RBM25: variants seen among roughly 807,000 people sequenced by gnomAD.
RBM25 encodes RNA binding motif protein 25.
RBM25 carries 19 observed loss-of-function variants against 120.7 expected under a neutral mutation model. The observed-to-expected ratio is 0.16, with a 90% confidence interval of 0.11 to 0.23. RBM25 has a LOEUF of 0.23. Among genes scored for constraint, RBM25 ranks in the 10% least tolerant of loss-of-function variants. The pLI is 1.00. For synonymous variants in RBM25, 390 were observed against 326.7 expected, an observed-to-expected ratio of 1.19 and a Z score of -2.09; for missense variants, 605 against 1,041.5, an observed-to-expected ratio of 0.58 and a Z score of 5.77.
chr14:73,087,895 GGTCTTT>G (rs1201892392), intron 5 of RBM25, 100 bp from the exon 6 acceptor site: 3 of 1,068,996 alleles, frequency 2.8e-6, no homozygotes, highest in Non-Finnish European at 4.0e-6. Flanking sequence ...TGAATTGAGT[GGTCTTT>G]GTATTAAAAC....
chr14:73,111,650 C>T lies in RBM25; in HGVS notation c.2140C>T (p.Pro714Ser). ...CGTACCCCGAAAAAGGAAACTGGTTCCCTTGGATTATGGTGAAGATGATAA... is the reference window on the plus strand; with the variant it reads ...CGTACCCCGAAAAAGGAAACTGGTTTCCTTGGATTATGGTGAAGATGATAA... The part of the protein sequence containing the change: ...DDVPRKRKLV[P>S]LDYGEDDKNA... Residue 714 changes from proline (P) to serine (S), a missense_variant, in exon 16 of 19, where the codon CCC (proline) becomes TCC (serine). Pro to Ser is a moderately conservative substitution (Grantham distance 74, BLOSUM62 -1). This residue lies in a region of RBM25 where 465 missense variants were observed against 741.6 expected (regional missense o/e 0.63). Coordinates refer to ENST00000261973, the MANE Select transcript of RBM25 (RefSeq NM_021239.3). 1 of 1,614,072 alleles carries T rather than the reference C, an allele frequency of 6.2e-7. No homozygotes were observed. The highest frequency in any genetic ancestry group is 8.5e-7 in the Non-Finnish European group (1 of 1,180,006).
intron 1 of RBM25, chr14:73,059,345 G>A (rs1894945001): frequency 6.6e-6 from 1 of 152,160 alleles, no homozygotes. Context: ...TTGCGCATTG[G>A]AGGGTGCAGT....
At chr14:73,112,111 G>A (rs1207811185) in intron 16 of RBM25, 41 bp from the exon 17 acceptor site, 1 of 1,518,400 alleles carries the variant, frequency 6.6e-7, no homozygotes, top group South Asian at 1.2e-5. Flanking sequence ...GTTATAGCAA[G>A]TTACAATTCT....
chr14:73,071,125 C>A (rs774874823), intron 1 of RBM25, among the ~76,000 whole-genome samples: 69 of 151,664 alleles, frequency 4.5e-4, no homozygotes, highest in Middle Eastern at 6.8e-3. Flanking sequence ...TCCTGTAGTC[C>A]CAGCTACTTG....
At chr14:73,067,067 A>ATTTTTTTT (rs375705058) in intron 1 of RBM25, among the ~76,000 whole-genome samples, 3 of 131,188 alleles carry the variant, frequency 2.3e-5, no homozygotes, top group Admixed American at 8.0e-5. Flanking sequence ...GATACATATA[A>ATTTTTTTT]TTTTTTTTTT....
rs925711564 is a variant in RBM25, at chr14:73,121,110, A to G, written c.*1305A>G. 6.6e-6 allele frequency: 1 copy of G among 152,602 alleles called. No individual in the cohort carries two copies. Among genetic ancestry groups the G allele is most frequent in the African/African-American group, 2.4e-5 (1 of 41,450 alleles). The allele number at this position is 152,602 out of a possible 1,614,324, so 9.5% of individuals were successfully genotyped here. A position where few individuals can be genotyped will look rare whatever the true frequency, so the allele number is the denominator to read the frequency against. ...CAGCTTTTCACACAAATTAGATGCA[A>G]CTGTTCCCATGTCTGAGTACTTATT... On this transcript the variant is annotated 3_prime_UTR_variant, in exon 19 of 19. Coordinates refer to ENST00000261973, the MANE Select transcript of RBM25 (RefSeq NM_021239.3).
At chr14:73,078,378 G>A (rs1412199220) in intron 4 of RBM25, among the ~76,000 whole-genome samples, 2 of 151,926 alleles carry the variant, frequency 1.3e-5, no homozygotes, top group African/African-American at 4.8e-5. Context: ...TGTAGTCCTA[G>A]CTGTTCAGAA....
At chr14:73,077,567 A>G in intron 4 of RBM25, 31 bp downstream of exon 4, 1 of 1,516,050 alleles carries the variant, frequency 6.6e-7, no homozygotes, top group Middle Eastern at 1.7e-4. Context: ...TTCATTAAAA[A>G]TTTTTTTATC....
chr14:73,117,913 T>C (rs1471398878), intron 18 of RBM25, among the ~76,000 whole-genome samples: 1 of 152,068 alleles, frequency 6.6e-6, no homozygotes, highest in Non-Finnish European at 1.5e-5. Flanking sequence ...TTTCACCTCA[T>C]AGCAGCCATA....
chr14:73,070,819 C>T (rs1451499094), intron 1 of RBM25, among the ~76,000 whole-genome samples: 1 of 150,788 alleles, frequency 6.6e-6, no homozygotes, highest in Non-Finnish European at 1.5e-5. Context: ...TGGTGGCGCG[C>T]ACATGTAATC....
chr14:73,119,545 G>A (rs1314100747), intron 18 of RBM25, among the ~76,000 whole-genome samples, 168 bp from the exon 19 acceptor site: 3 of 152,298 alleles, frequency 2.0e-5, no homozygotes, highest in South Asian at 2.1e-4. Flanking sequence ...GATTACAGGC[G>A]TGAGCCACCA....
intron 18 of RBM25, among the ~76,000 whole-genome samples, chr14:73,117,846 C>T (rs1255397395): frequency 1.3e-5 from 2 of 152,200 alleles, no homozygotes; most frequent in East Asian, 1.9e-4. Context: ...CAACACTAGA[C>T]CACATTTCTG....
At chr14:73,070,304 G>A (rs973907813) in intron 1 of RBM25, among the ~76,000 whole-genome samples, 1 of 151,904 alleles carries the variant, frequency 6.6e-6, no homozygotes, top group African/African-American at 2.4e-5. Flanking sequence ...TTTTCCACCC[G>A]CTTTGACCTC....
chr14:73,059,978 T>C (rs1410884910), intron 1 of RBM25, among the ~76,000 whole-genome samples: 2 of 152,148 alleles, frequency 1.3e-5, no homozygotes, highest in Non-Finnish European at 2.9e-5. Context: ...TAATTTGTTA[T>C]TTAAGGATTT....
intron 16 of RBM25, 78 bp downstream of exon 16, chr14:73,111,880 A>C: frequency 1.4e-6 from 2 of 1,453,100 alleles, no homozygotes; most frequent in Middle Eastern, 1.8e-4. Context: ...AAGAAAAAAA[A>C]ACCTCATTTG....
intron 13 of RBM25, 127 bp from the exon 14 acceptor site, chr14:73,109,215 A>ATTAAGACATTCTTTAACCTCTTAAAGAGG: frequency 1.0e-6 from 1 of 988,576 alleles, no homozygotes; most frequent in East Asian, 2.5e-5. Context: ...GATACAGAAC[A>ATTAAGACATTCTTTAACCTCTTAAAGAGG]TTAAGACATT....
chr14:73,064,637 C>T (rs1301095701), intron 1 of RBM25, among the ~76,000 whole-genome samples: 1 of 151,256 alleles, frequency 6.6e-6, no homozygotes, highest in Non-Finnish European at 1.5e-5. Flanking sequence ...TTGTGATCCG[C>T]CCGCCTCAGC....
intron 15 of RBM25, 83 bp downstream of exon 15, chr14:73,111,238 ATATT>A: frequency 4.2e-6 from 5 of 1,190,914 alleles, no homozygotes; most frequent in Non-Finnish European, 5.9e-6. Context: ...AAAAAAATTT[ATATT>A]TGTGCTTGGT....
chr14:73,087,363 A>G (rs963719550), intron 5 of RBM25, among the ~76,000 whole-genome samples: 3 of 150,486 alleles, frequency 2.0e-5, no homozygotes, highest in African/African-American at 2.4e-5. Flanking sequence ...GGAAGTCTAG[A>G]TAGGGTGAAT....
Sources: gnomAD v4.1 joint callset for allele counts (sites outside exome capture counted in the v4.1 genomes callset) on GRCh38, gnomAD v4.1.1 for gene constraint, gnomAD v4.1.1 regional missense constraint, MANE v1.5 for transcripts, NCBI Gene and HGNC (gene_info 2026-07-23, HGNC 2026-07-21) for gene names.